TVP23A: variants seen among roughly 807,000 people sequenced by gnomAD.
The protein encoded by TVP23A is trans-golgi network vesicle protein 23 homolog A, also known as Golgi apparatus membrane protein TVP23 homolog A.
Under a neutral mutation model 31.7 loss-of-function variants are expected in TVP23A, and 21 were observed. The observed-to-expected ratio is 0.66, with a 90% CI of 0.47 to 0.95. The LOEUF (loss-of-function observed/expected upper bound fraction) is 0.95, where lower values mean the gene tolerates loss of function less well. Among genes scored for constraint, TVP23A ranks in the 40% least tolerant of loss-of-function variants. The pLI, the probability that TVP23A is intolerant of heterozygous loss-of-function variation, is 0.00. For synonymous variants in TVP23A, 104 were observed against 96.0 expected (o/e 1.08, Z -0.49); for missense variants, 279 against 255.6 (o/e 1.09, Z -0.62).
intron 3 of TVP23A, 139 bp from the exon 4 acceptor site, chr16:10,774,267 T>TCTG: frequency 1.8e-6 from 1 of 566,190 alleles, no homozygotes; most frequent in Non-Finnish European, 3.1e-6. Flanking sequence ...TTGTAGTGGA[T>TCTG]TCTCAGATGT....
intron 3 of TVP23A, among the ~76,000 whole-genome samples, chr16:10,774,579 C>T (rs974704188): frequency 2.0e-4 from 30 of 150,692 alleles, no homozygotes; most frequent in Admixed American, 1.2e-3. Context: ...TAAGGGAAAC[C>T]CCTCTCACTT....
intron 2 of TVP23A, among the ~76,000 whole-genome samples, chr16:10,814,307 A>G (rs538597437): frequency 1.3e-5 from 2 of 152,198 alleles, no homozygotes; most frequent in Admixed American, 1.3e-4. Context: ...TGACTTCTCG[A>G]GCTCCTGGCC....
At chr16:10,785,604 A>AC (rs1004402346) in intron 2 of TVP23A, among the ~76,000 whole-genome samples, 3 of 152,222 alleles carry the variant, frequency 2.0e-5, no homozygotes, top group African/African-American at 7.2e-5. Context: ...AAGGTTGAGA[A>AC]CACACTCAGG....
intron 2 of TVP23A, among the ~76,000 whole-genome samples, chr16:10,776,662 T>A (rs542657206): frequency 6.6e-6 from 1 of 152,098 alleles, no homozygotes; most frequent in Admixed American, 6.5e-5. Context: ...GGCAAGTCCA[T>A]TGAGTAAAGT....
chr16:10,812,725 G>T (rs2034258460), intron 2 of TVP23A, among the ~76,000 whole-genome samples: 3 of 152,140 alleles, frequency 2.0e-5, no homozygotes, highest in Non-Finnish European at 4.4e-5. Flanking sequence ...AAGGAGAATG[G>T]TATTTACCAG....
Position 10,767,677 on chromosome 16 carries a change from T to C in TVP23A, c.*1425A>G. 1 of 508,044 alleles carries C rather than the reference T, an allele frequency of 2.0e-6. No homozygotes were observed. Among genetic ancestry groups the C allele is most frequent in the Admixed American group, 3.5e-5 (1 of 28,336 alleles). The allele number at this position is 508,044 out of a possible 1,614,324, so 31.5% of individuals were successfully genotyped here. On this transcript the variant is annotated 3_prime_UTR_variant, in exon 8 of 8. Coordinates refer to ENST00000299866, the MANE Select transcript of TVP23A (RefSeq NM_001079512.4). This position sits in a 1 kb window ranked among gnomAD's most constrained non-coding sequence, Gnocchi z 4.6. ...TAAAATGCAGACTCCTGGGCCCATG[T>C]GGAAGCTGCTGAATCAGTTCTCTGT... is the stretch of plus-strand genomic sequence containing the variant.
chr16:10,770,061 C>T (rs1199360769), intron 7 of TVP23A, among the ~76,000 whole-genome samples: 1 of 152,204 alleles, frequency 6.6e-6, no homozygotes, highest in Non-Finnish European at 1.5e-5. Flanking sequence ...TGTGACCTCG[C>T]CCCCCGACCC....
chr16:10,799,411 G>A (rs1306575764), intron 2 of TVP23A, among the ~76,000 whole-genome samples: 1 of 152,168 alleles, frequency 6.6e-6, no homozygotes, highest in Non-Finnish European at 1.5e-5. Flanking sequence ...TTGGCTCACT[G>A]CAACCTCCGA....
Position 10,775,069 on chromosome 16 carries a change from C to CA in TVP23A, c.116dup (p.Phe40ValfsTer57). 2 of 1,610,782 alleles carry CA rather than the reference C, an allele frequency of 1.2e-6. No individual in the cohort carries two copies. The highest frequency in any genetic ancestry group is 1.3e-5 in the African/African-American group (1 of 74,952). On this transcript the variant is annotated frameshift_variant, in exon 3 of 8. Transcript: ENST00000299866. LOFTEE classifies it high-confidence loss of function. ...TGACGATGGCACTCACTCGGAAAAA[C>CA]AGGTGGAAAAAGGTGGCCAAGGGGT...
Position 10,804,532 on chromosome 16 carries a change from G to A in TVP23A, c.89+13571C>T, listed in dbSNP as rs1459238786. Among the ~76,000 whole-genome samples the A allele has an allele frequency of 2.0e-5, 3 of 152,198 alleles. No individual in the cohort carries two copies. The East Asian group carries it at 5.8e-4, about 29-fold the overall frequency. On this transcript the variant is annotated intron_variant, in intron 2 of 7. Transcript: ENST00000299866. ...GGAGGCCAAGGCAAGAGGATTGCCT[G>A]AGGCCAGGAGTCTGAGACCAGCCTA...
At chr16:10,776,354 G>T (rs551022738) in intron 2 of TVP23A, among the ~76,000 whole-genome samples, 4 of 152,030 alleles carry the variant, frequency 2.6e-5, no homozygotes, top group Admixed American at 1.3e-4. Flanking sequence ...CAGCCTGGGT[G>T]AGAAAGTCAG....
intron 6 of TVP23A, 99 bp from the exon 7 acceptor site, chr16:10,770,430 C>A: frequency 7.4e-7 from 1 of 1,351,920 alleles, no homozygotes; most frequent in South Asian, 1.4e-5. Context: ...GTACAGAAAA[C>A]CTGCGGAATT....
chr16:10,773,290 T>G, intron 5 of TVP23A, 23 bp downstream of exon 5: 2 of 1,580,384 alleles, frequency 1.3e-6, no homozygotes, highest in Non-Finnish European at 1.7e-6. Flanking sequence ...CAAAGCAATG[T>G]GGAAGTCAAG....
chr16:10,775,085 G>A lies in TVP23A; in HGVS notation c.101C>T (p.Ala34Val), dbSNP rs1418789698. 4 of 1,608,474 alleles carry A rather than the reference G, an allele frequency of 2.5e-6. No individual in the cohort carries two copies. The highest frequency in any genetic ancestry group is 3.4e-6 in the Non-Finnish European group (4 of 1,177,508). ...FRKAKIRHPLATFFHLFFRVS... is the reference protein window; with the variant it reads ...FRKAKIRHPLVTFFHLFFRVS... ...TCGGAAAAACAGGTGGAAAAAGGTG[G>A]CCAAGGGGTGTCTAGGAAAGGACCC... is the stretch of plus-strand genomic sequence containing the variant. Residue 34 changes from alanine to valine, a missense_variant, in exon 3 of 8, where the codon GCC becomes GTC. Ala to Val is a moderately conservative substitution (Grantham distance 64). Transcript: ENST00000299866.
At chr16:10,780,113 G>C (rs1348304025) in intron 2 of TVP23A, among the ~76,000 whole-genome samples, 3 of 150,648 alleles carry the variant, frequency 2.0e-5, no homozygotes, top group East Asian at 1.9e-4. Flanking sequence ...ATGAATGAAT[G>C]AATGAATGAA....
In TVP23A at chr16:10,779,191, A is replaced by C. The variant is rs1047442341; in HGVS notation, c.90-4095T>G. On this transcript the variant is annotated intron_variant, in intron 2 of 7. Coordinates refer to ENST00000299866, the MANE Select transcript of TVP23A (RefSeq NM_001079512.4). The surrounding 1 kb of genome is among the most constrained non-coding windows in gnomAD (Gnocchi z 4.9). ...CAATGGAAAGTGGTGTTACTCAAAC[A>C]GAGTTCAAAGCCCAAAGCAAGTAGA... Among the ~76,000 whole-genome samples, 3 of 152,196 alleles carry C rather than the reference A, an allele frequency of 2.0e-5. No homozygotes were observed. Among genetic ancestry groups the C allele is most frequent in the African/African-American group, 7.2e-5 (3 of 41,440 alleles).
At chr16:10,787,182 T>C (rs2142975713) in intron 2 of TVP23A, among the ~76,000 whole-genome samples, 1 of 152,204 alleles carries the variant, frequency 6.6e-6, no homozygotes, top group East Asian at 1.9e-4. Flanking sequence ...TATGCAGTCC[T>C]GGACAAAGTA....
At chr16:10,795,814 G>C (rs2033357744) in intron 2 of TVP23A, among the ~76,000 whole-genome samples, 1 of 152,132 alleles carries the variant, frequency 6.6e-6, no homozygotes, top group Non-Finnish European at 1.5e-5. Context: ...GGAGGACTGA[G>C]CACCAACGGT....
intron 2 of TVP23A, among the ~76,000 whole-genome samples, chr16:10,788,831 C>A (rs2032927803): frequency 6.6e-6 from 1 of 152,196 alleles, no homozygotes; most frequent in Non-Finnish European, 1.5e-5. Context: ...AAGGAGCCTG[C>A]ATGTCTCTCC....
Sources: allele counts gnomAD v4.1 joint callset (sites outside exome capture counted in the v4.1 genomes callset), GRCh38; gene constraint gnomAD v4.1.1; non-coding constraint Gnocchi (gnomAD v3.1); transcripts MANE v1.5; gene names NCBI Gene and HGNC (gene_info 2026-07-23, HGNC 2026-07-21).